Variants in MARCHF1 observed in about 807,000 individuals in gnomAD.
MARCHF1 encodes membrane associated ring-CH-type finger 1, also known as E3 ubiquitin-protein ligase MARCHF1.
A neutral mutation model predicts 54.2 loss-of-function variants in MARCHF1; 40 were observed. The ratio of observed to expected loss-of-function variants is 0.74; its 90% CI spans 0.57 to 0.96. MARCHF1 has a LOEUF of 0.96. MARCHF1 is among the 40% of genes least tolerant of loss of function. The pLI, the probability that MARCHF1 is intolerant of heterozygous loss-of-function variation, is 0.00. For missense variants in MARCHF1, 586 were observed against 656.5 expected, an observed-to-expected ratio of 0.89 and a Z score of 1.17; for synonymous variants, 236 against 236.3, an observed-to-expected ratio of 1.00 and a Z score of 0.01.
chr4:164,272,956 G>T (rs1451769616), intron 1 of MARCHF1, among the ~76,000 whole-genome samples: 1 of 151,568 alleles, frequency 6.6e-6, no homozygotes, highest in Admixed American at 6.6e-5. Context: ...ATGCACGATT[G>T]TACATACATG....
chr4:163,597,200 T>C (rs778594498), intron 7 of MARCHF1, among the ~76,000 whole-genome samples: 1 of 152,130 alleles, frequency 6.6e-6, no homozygotes, highest in Admixed American at 6.5e-5. Flanking sequence ...TCAGGTGATC[T>C]GCCCACCTCG....
At chr4:163,608,319 T>G (rs1379287063) in intron 7 of MARCHF1, among the ~76,000 whole-genome samples, 1 of 151,948 alleles carries the variant, frequency 6.6e-6, no homozygotes, top group African/African-American at 2.4e-5. Context: ...GTAAAGCCAT[T>G]CTAGGTCTTG....
chr4:164,031,715 C>T lies in MARCHF1; in HGVS notation c.-247-43006G>A, dbSNP rs527448571. Among the ~76,000 whole-genome samples the T allele has an allele frequency of 2.0e-5, 3 of 152,246 alleles. No homozygotes were observed. The East Asian group carries it at 5.8e-4, about 29-fold the overall frequency. ...TGTGGTGCATAAGCTTTGTGATGTGCTGCTGGATTTGGTTTGCCAGTATTT... is the reference window on the plus strand; with the variant it reads ...TGTGGTGCATAAGCTTTGTGATGTGTTGCTGGATTTGGTTTGCCAGTATTT... On this transcript the variant is annotated intron_variant, in intron 2 of 9. Transcript: ENST00000514618.
intron 3 of MARCHF1, among the ~76,000 whole-genome samples, chr4:163,931,812 C>T (rs1311279001): frequency 6.6e-6 from 1 of 152,162 alleles, no homozygotes; most frequent in East Asian, 1.9e-4. Context: ...TAAAACCTCT[C>T]CCTCAGTCTA....
chr4:163,968,607 T>G (rs1356411257), intron 3 of MARCHF1, among the ~76,000 whole-genome samples: 1 of 152,176 alleles, frequency 6.6e-6, no homozygotes, highest in Admixed American at 6.6e-5. Context: ...TACTCTATGC[T>G]GAGCACTTTA....
intron 1 of MARCHF1, among the ~76,000 whole-genome samples, chr4:164,316,541 T>G (rs1357389424): frequency 6.6e-6 from 1 of 152,192 alleles, no homozygotes; most frequent in Non-Finnish European, 1.5e-5. Flanking sequence ...AAAGTCTGCC[T>G]AAAATATTTT....
At chr4:163,715,969 G>A (rs1025072351) in intron 4 of MARCHF1, among the ~76,000 whole-genome samples, 4 of 152,102 alleles carry the variant, frequency 2.6e-5, no homozygotes, top group Non-Finnish European at 4.4e-5. Flanking sequence ...CATAAAAAAC[G>A]TAAAGTACAG....
chr4:164,085,078 C>A (rs1479708500), intron 2 of MARCHF1, among the ~76,000 whole-genome samples: 1 of 151,712 alleles, frequency 6.6e-6, no homozygotes, highest in Non-Finnish European at 1.5e-5. Context: ...AGTTTTCTCT[C>A]CACTTCCTCT....
At chr4:163,627,628 G>C (rs1475619825) in intron 5 of MARCHF1, among the ~76,000 whole-genome samples, 1 of 151,964 alleles carries the variant, frequency 6.6e-6, no homozygotes. Context: ...GAAGGGTTCT[G>C]ACTTGGAGAT....
chr4:164,181,681 G>T (rs1057050135), intron 1 of MARCHF1, among the ~76,000 whole-genome samples: 3 of 152,170 alleles, frequency 2.0e-5, no homozygotes, highest in Non-Finnish European at 4.4e-5. Flanking sequence ...TTAGTACGAT[G>T]AAATAGATGT....
chr4:163,544,660 C>A (rs1451599718), intron 9 of MARCHF1, among the ~76,000 whole-genome samples: 1 of 152,162 alleles, frequency 6.6e-6, no homozygotes, highest in Admixed American at 6.5e-5. Context: ...AAGTAACCAA[C>A]CTTTCTGTGT....
intron 4 of MARCHF1, among the ~76,000 whole-genome samples, chr4:163,803,488 G>A (rs1024709000): frequency 3.4e-5 from 5 of 148,954 alleles, no homozygotes; most frequent in African/African-American, 1.3e-4. Context: ...ATATTATTAC[G>A]GAGTATACTC....
chr4:164,094,191 T>A (rs563537361), intron 2 of MARCHF1, among the ~76,000 whole-genome samples: 2 of 152,090 alleles, frequency 1.3e-5, no homozygotes, highest in Admixed American at 6.6e-5. Context: ...CTGAACTGTA[T>A]GGTCAGAAAA....
In MARCHF1 at chr4:164,013,887, G is replaced by A. The variant is rs540986357; in HGVS notation, c.-247-25178C>T. Among the ~76,000 whole-genome samples the A allele has an allele frequency of 4.3e-4, 65 of 152,224 alleles. 1 individual carries two copies. Among genetic ancestry groups the A allele is most frequent in the African/African-American group, 1.4e-3 (59 of 41,528 alleles). On this transcript the variant is annotated intron_variant, in intron 2 of 9. Transcript: ENST00000514618. ...TTAAAAGACATGCTAAAGGGAGTCC[G>A]GGTGTGGTGGCTCACACCTGTAATC...
intron 3 of MARCHF1, among the ~76,000 whole-genome samples, chr4:163,937,151 C>T (rs1437093540): frequency 6.6e-6 from 1 of 152,124 alleles, no homozygotes; most frequent in African/African-American, 2.4e-5. Context: ...GAATACTCTG[C>T]AACCTCAAGA....
At chr4:163,627,579 G>C (rs1012222253) in intron 5 of MARCHF1, among the ~76,000 whole-genome samples, 4 of 152,058 alleles carry the variant, frequency 2.6e-5, no homozygotes, top group African/African-American at 9.7e-5. Context: ...TTCGATGTCA[G>C]GTTAAGTATC....
chr4:164,204,436 T>C (rs908902966), intron 1 of MARCHF1, among the ~76,000 whole-genome samples: 3 of 152,332 alleles, frequency 2.0e-5, no homozygotes, highest in Non-Finnish European at 4.4e-5. Flanking sequence ...TAGTTTTTGC[T>C]CTTTGAGACA....
intron 2 of MARCHF1, among the ~76,000 whole-genome samples, chr4:164,007,935 C>T (rs752366278): frequency 5.9e-5 from 9 of 152,072 alleles, no homozygotes; most frequent in Non-Finnish European, 8.8e-5. Flanking sequence ...AGCCAGAAAA[C>T]AGGTAACAAA....
chr4:163,887,584 T>C (rs772280647), intron 3 of MARCHF1, among the ~76,000 whole-genome samples: 12 of 152,162 alleles, frequency 7.9e-5, no homozygotes, highest in Non-Finnish European at 1.6e-4. Context: ...GTGATGCACA[T>C]GAACATGAAA....
Sources: allele counts gnomAD v4.1 joint callset (sites outside exome capture counted in the v4.1 genomes callset), GRCh38; gene constraint gnomAD v4.1.1; transcripts MANE v1.5; gene names NCBI Gene and HGNC (gene_info 2026-07-23, HGNC 2026-07-21).